ATRNL1: variants seen among roughly 807,000 people sequenced by gnomAD.
The protein encoded by ATRNL1 is attractin-like protein 1.
Under a neutral mutation model 182.7 loss-of-function variants are expected in ATRNL1, and 95 were observed. The ratio of observed to expected loss-of-function variants is 0.52; its 90% CI spans 0.44 to 0.62. The LOEUF (loss-of-function observed/expected upper bound fraction) is 0.62, where lower values mean the gene tolerates loss of function less well. Ranked by LOEUF, ATRNL1 falls within the 20% of genes least tolerant of loss-of-function variation. The pLI, the probability that ATRNL1 is intolerant of heterozygous loss-of-function variation, is 0.00. For missense variants in ATRNL1, 1,471 were observed against 1,679.5 expected (o/e 0.88, Z 2.17); for synonymous variants, 576 against 568.3 (o/e 1.01, Z -0.19).
intron 19 of ATRNL1, among the ~76,000 whole-genome samples, chr10:115,379,301 C>T (rs1564977198): frequency 1.3e-5 from 2 of 152,164 alleles, no homozygotes; most frequent in Non-Finnish European, 2.9e-5. Context: ...AGAATAATTT[C>T]AGCACTGTCA....
chr10:115,868,247 T>C lies in ATRNL1; in HGVS notation c.4018+20256T>C, dbSNP rs116472394. Among the ~76,000 whole-genome samples the C allele has an allele frequency of 3.5e-3, 533 of 152,354 alleles. 3 individuals carry two copies. The highest frequency in any genetic ancestry group is 0.012 in the African/African-American group (512 of 41,582). On this transcript the variant is annotated intron_variant, in intron 28 of 28. Transcript: ENST00000355044. ...CTCCTTTGCCTTCTCTTTCATCTTC[T>C]TCCAAAATTTCTTACATTACCATCT...
intron 26 of ATRNL1, among the ~76,000 whole-genome samples, chr10:115,601,525 A>G (rs1592929555): frequency 6.6e-6 from 1 of 152,116 alleles, no homozygotes; most frequent in South Asian, 2.1e-4. Flanking sequence ...CAGTTTTGTC[A>G]GTTTTGCTTC....
chr10:115,827,212 C>T (rs1555092251), intron 27 of ATRNL1, among the ~76,000 whole-genome samples: 1 of 152,160 alleles, frequency 6.6e-6, no homozygotes, highest in East Asian at 1.9e-4. Context: ...AGTCCGACAG[C>T]ATTGACTTTA....
At chr10:115,389,101 TTTC>T (rs1277838101) in intron 19 of ATRNL1, among the ~76,000 whole-genome samples, 23 of 152,194 alleles carry the variant, frequency 1.5e-4, no homozygotes, top group African/African-American at 5.3e-4. Flanking sequence ...ATCATTCTAC[TTTC>T]TTCTTCTATG....
At chr10:115,916,590 T>C (rs994762037) in intron 28 of ATRNL1, among the ~76,000 whole-genome samples, 2 of 152,248 alleles carry the variant, frequency 1.3e-5, no homozygotes, top group Admixed American at 1.3e-4. Flanking sequence ...TAAATTTCTG[T>C]AAAGCACATC....
chr10:115,802,051 A>ACACACACACACACACACACACAAC (rs1412039169), intron 27 of ATRNL1, among the ~76,000 whole-genome samples: 1 of 11,218 alleles, frequency 8.9e-5, no homozygotes. Context: ...CACACAAAAC[A>ACACACACACACACACACACACAAC]AAAAAAAACA....
At chr10:115,390,261 A>C (rs1269951520) in intron 19 of ATRNL1, among the ~76,000 whole-genome samples, 4 of 152,090 alleles carry the variant, frequency 2.6e-5, no homozygotes, top group Admixed American at 6.6e-5. Context: ...AAAACCAAGA[A>C]ATTTTTGCCC....
chr10:115,825,892 C>T (rs559708343), intron 27 of ATRNL1, among the ~76,000 whole-genome samples: 12 of 152,228 alleles, frequency 7.9e-5, no homozygotes, highest in African/African-American at 2.9e-4. Flanking sequence ...GGGTCTTTCC[C>T]ACTTGAACTA....
At chr10:115,735,109 T>C (rs1253142019) in intron 27 of ATRNL1, among the ~76,000 whole-genome samples, 1 of 152,212 alleles carries the variant, frequency 6.6e-6, no homozygotes, top group African/African-American at 2.4e-5. Flanking sequence ...TACTTACATA[T>C]TGTGTATTTT....
At chr10:115,108,507 T>C (rs912099848) in intron 1 of ATRNL1, among the ~76,000 whole-genome samples, 3 of 152,232 alleles carry the variant, frequency 2.0e-5, no homozygotes, top group African/African-American at 4.8e-5. Context: ...GTCTGATTTC[T>C]GTAGGGGTCA....
At chr10:115,223,929 A>ATATATATATATTTT (rs1420143943) in intron 9 of ATRNL1, among the ~76,000 whole-genome samples, 5 of 44,714 alleles carry the variant, frequency 1.1e-4, no homozygotes, top group African/African-American at 3.7e-4. Flanking sequence ...ATATATATAT[A>ATATATATATATTTT]TTTTTTTTTT....
At chr10:115,917,476 A>G (rs907409668) in intron 28 of ATRNL1, among the ~76,000 whole-genome samples, 2 of 12,180 alleles carry the variant, frequency 1.6e-4, no homozygotes, top group Admixed American at 3.5e-3. Context: ...TCTCAAAAAA[A>G]AAAAAAAAAG....
At chr10:115,221,666 T>C (rs782322675) in intron 9 of ATRNL1, among the ~76,000 whole-genome samples, 1 of 152,128 alleles carries the variant, frequency 6.6e-6, no homozygotes, top group Non-Finnish European at 1.5e-5. Context: ...CACTGAGCAG[T>C]CCTTTTGTCA....
chr10:115,939,401 A>G (rs1418779322), intron 28 of ATRNL1, among the ~76,000 whole-genome samples: 3 of 152,212 alleles, frequency 2.0e-5, no homozygotes, highest in Non-Finnish European at 2.9e-5. Context: ...TGCGGTTTAT[A>G]CTTCCTATTT....
At chr10:115,424,958 C>T (rs1845817016) in intron 20 of ATRNL1, among the ~76,000 whole-genome samples, 1 of 152,074 alleles carries the variant, frequency 6.6e-6, no homozygotes. Flanking sequence ...TTGGAAATGT[C>T]ACAGAAAACC....
intron 9 of ATRNL1, among the ~76,000 whole-genome samples, chr10:115,231,826 G>A (rs782344673): frequency 6.6e-6 from 1 of 152,058 alleles, no homozygotes; most frequent in Non-Finnish European, 1.5e-5. Flanking sequence ...AGTGAAGTAG[G>A]AAGTAGAGTC....
At chr10:115,312,937 T>C (rs534687410) in intron 17 of ATRNL1, among the ~76,000 whole-genome samples, 4 of 152,260 alleles carry the variant, frequency 2.6e-5, no homozygotes, top group Admixed American at 2.6e-4. Flanking sequence ...ACTATCCACT[T>C]GCATTTTGCA....
intron 21 of ATRNL1, among the ~76,000 whole-genome samples, chr10:115,436,628 TTAAA>T (rs1458743328): frequency 2.0e-5 from 3 of 152,134 alleles, no homozygotes; most frequent in Non-Finnish European, 4.4e-5. Context: ...CTAGTATTTA[TTAAA>T]TATTTATGTA....
In ATRNL1 at chr10:115,844,182, T is replaced by C. The variant is rs1008900990; in HGVS notation, c.3904-3695T>C. ...CTTTTTAATCTTGAGTCCTTGAATG[T>C]TCTACTAAACCCCACTTAAATTGTA... On this transcript the variant is annotated intron_variant, in intron 27 of 28. Transcript: ENST00000355044. Among the ~76,000 whole-genome samples, 5 of 152,140 alleles carry C rather than the reference T, an allele frequency of 3.3e-5. No homozygotes were observed. In the East Asian group the frequency reaches 9.6e-4, roughly 29 times the overall value.
Sources: gnomAD v4.1 joint callset for allele counts (sites outside exome capture counted in the v4.1 genomes callset) on GRCh38, gnomAD v4.1.1 for gene constraint, MANE v1.5 for transcripts, NCBI Gene and HGNC (gene_info 2026-07-23, HGNC 2026-07-21) for gene names.